Variants in FSTL5 observed in about 807,000 individuals in gnomAD.
FSTL5 encodes the protein follistatin like 5, also known as follistatin-related protein 5.
Under a neutral mutation model 89.1 loss-of-function variants are expected in FSTL5, and 62 were observed. The ratio of observed to expected loss-of-function variants is 0.70; its 90% confidence interval spans 0.57 to 0.86. FSTL5 has a LOEUF of 0.86. FSTL5 is among the 40% of genes least tolerant of loss of function. The probability of loss-of-function intolerance (pLI) is 0.00; values close to 1 mark genes in which losing one functional copy is unlikely to be tolerated. For synonymous variants in FSTL5, 383 were observed against 346.2 expected (o/e 1.11, Z -1.18); for missense variants, 1,057 against 1,001.6 (o/e 1.06, Z -0.75).
At chr4:161,714,998 T>C (rs918553025) in intron 6 of FSTL5, among the ~76,000 whole-genome samples, 18 of 152,292 alleles carry the variant, frequency 1.2e-4, no homozygotes, top group African/African-American at 4.3e-4. Context: ...AGGACTATTT[T>C]ATATAAAACA....
chr4:161,750,520 A>T (rs1740359208), intron 6 of FSTL5, among the ~76,000 whole-genome samples: 1 of 152,168 alleles, frequency 6.6e-6, no homozygotes, highest in Non-Finnish European at 1.5e-5. Flanking sequence ...CGTGACTGCT[A>T]GAAAATTTCA....
intron 6 of FSTL5, among the ~76,000 whole-genome samples, chr4:161,742,374 A>T (rs1480509876): frequency 6.6e-6 from 1 of 152,196 alleles, no homozygotes; most frequent in East Asian, 1.9e-4. Flanking sequence ...GGGCTGAACT[A>T]TGAAGACTCA....
intron 3 of FSTL5, among the ~76,000 whole-genome samples, chr4:161,934,489 A>G (rs1206803083): frequency 6.6e-6 from 1 of 152,120 alleles, no homozygotes; most frequent in Non-Finnish European, 1.5e-5. Context: ...GAAATAACTC[A>G]TATGTAACTT....
chr4:161,425,019 A>T (rs1732124264), intron 15 of FSTL5, among the ~76,000 whole-genome samples: 1 of 152,188 alleles, frequency 6.6e-6, no homozygotes, highest in Admixed American at 6.5e-5. Flanking sequence ...TGAGCTCTTC[A>T]TTACATTTTG....
intron 4 of FSTL5, among the ~76,000 whole-genome samples, chr4:161,861,666 A>C (rs945831947): frequency 1.3e-5 from 2 of 152,172 alleles, no homozygotes; most frequent in Non-Finnish European, 2.9e-5. Context: ...ACTCCCTTTT[A>C]GACTCTTGCT....
intron 8 of FSTL5, among the ~76,000 whole-genome samples, chr4:161,585,232 T>C: frequency 6.6e-6 from 1 of 152,136 alleles, no homozygotes; most frequent in Non-Finnish European, 1.5e-5. Context: ...GCATGGCAAA[T>C]GAGTAAGTTA....
intron 3 of FSTL5, among the ~76,000 whole-genome samples, chr4:162,015,033 C>T (rs1419905159): frequency 1.3e-5 from 2 of 152,156 alleles, no homozygotes; most frequent in African/African-American, 4.8e-5. Context: ...CTAGTGCAAA[C>T]TTTCAGAAGC....
intron 2 of FSTL5, among the ~76,000 whole-genome samples, chr4:162,036,630 A>G (rs953052406): frequency 6.6e-6 from 1 of 152,066 alleles, no homozygotes; most frequent in African/African-American, 2.4e-5. Context: ...ATAAAGTTGA[A>G]TTAACCAACA....
At chr4:161,411,074 A>T (rs1578952583) in intron 15 of FSTL5, among the ~76,000 whole-genome samples, 1 of 145,390 alleles carries the variant, frequency 6.9e-6, no homozygotes, top group East Asian at 2.1e-4. Flanking sequence ...AACTCTATGC[A>T]CAGAAATTCT....
chr4:162,121,709 T>A (rs72984756), intron 1 of FSTL5, among the ~76,000 whole-genome samples: 1 of 151,974 alleles, frequency 6.6e-6, no homozygotes, highest in African/African-American at 2.4e-5. Context: ...TATGACAGTA[T>A]CTAAAAAAAA....
chr4:161,721,134 C>T (rs895008146), intron 6 of FSTL5, among the ~76,000 whole-genome samples: 35 of 151,510 alleles, frequency 2.3e-4, no homozygotes, highest in African/African-American at 7.7e-4. Flanking sequence ...AAAAATTAGC[C>T]GGGCGCGGTG....
At chr4:162,116,363 T>C (rs1455672521) in intron 1 of FSTL5, among the ~76,000 whole-genome samples, 2 of 152,212 alleles carry the variant, frequency 1.3e-5, no homozygotes, top group African/African-American at 4.8e-5. Context: ...ATCTACATGC[T>C]GTAACACACT....
intron 4 of FSTL5, among the ~76,000 whole-genome samples, chr4:161,888,451 T>C (rs960733068): frequency 1.2e-4 from 18 of 152,162 alleles, no homozygotes; most frequent in African/African-American, 3.6e-4. Context: ...TTTAGATGTG[T>C]TACATCACGA....
At chr4:161,613,933 C>A (rs189903575) in intron 7 of FSTL5, among the ~76,000 whole-genome samples, 3,380 of 148,522 alleles carry the variant, frequency 0.023, 121 homozygotes, top group African/African-American at 0.076. Flanking sequence ...CTGACGAAAT[C>A]ATGTTATGTT....
chr4:161,439,105 C>T (rs1197364935), intron 15 of FSTL5, among the ~76,000 whole-genome samples: 4 of 151,938 alleles, frequency 2.6e-5, no homozygotes, highest in Admixed American at 2.6e-4. Flanking sequence ...TATTATGAAA[C>T]ACATAATCAA....
intron 1 of FSTL5, among the ~76,000 whole-genome samples, chr4:162,135,941 A>G (rs768349294): frequency 6.6e-6 from 1 of 151,522 alleles, no homozygotes; most frequent in Non-Finnish European, 1.5e-5. Flanking sequence ...TCTGTTTTAG[A>G]TCTTCATCTT....
intron 7 of FSTL5, 106 bp downstream of exon 7, chr4:161,656,222 C>G: frequency 1.8e-6 from 1 of 543,960 alleles, no homozygotes; most frequent in East Asian, 3.2e-5. Flanking sequence ...CAATAATTCT[C>G]TTTTACTCTG....
chr4:161,644,017 CAG>C (rs1284029042), intron 7 of FSTL5, among the ~76,000 whole-genome samples: 1 of 151,636 alleles, frequency 6.6e-6, no homozygotes, highest in Non-Finnish European at 1.5e-5. Flanking sequence ...GTCCTTTGCA[CAG>C]AGTTTGTAGT....
intron 12 of FSTL5, among the ~76,000 whole-genome samples, chr4:161,497,945 T>A (rs188147822): frequency 1.8e-4 from 27 of 151,952 alleles, no homozygotes; most frequent in Non-Finnish European, 2.9e-4. Flanking sequence ...TTTGCATATA[T>A]AATTTTTCTC....
Sources: allele counts gnomAD v4.1 joint callset (sites outside exome capture counted in the v4.1 genomes callset), GRCh38; gene constraint gnomAD v4.1.1; transcripts MANE v1.5; gene names NCBI Gene and HGNC (gene_info 2026-07-23, HGNC 2026-07-21).